Variants in PHACTR2 observed in about 807,000 individuals in gnomAD.
The protein encoded by PHACTR2 is phosphatase and actin regulator 2.
In PHACTR2, 30 loss-of-function variants were observed where a neutral mutation model predicts 76.0. The observed-to-expected ratio is 0.39, with a 90% CI of 0.30 to 0.54. The LOEUF is 0.54. Ranked by LOEUF, PHACTR2 falls within the 20% of genes least tolerant of loss-of-function variation. PHACTR2 has a pLI of 0.61. For missense variants in PHACTR2, 696 were observed against 781.1 expected (o/e 0.89, Z 1.30); for synonymous variants, 292 against 292.5 (o/e 1.00, Z 0.02).
rs1402246826 is a variant in PHACTR2, at chr6:143,578,523, GC to G, written c.217+41318del. ...CCGAAATGCAGCCCATACCCTGCTTGCCAAGCTGGGTACAAAATCACTCCTG... is the reference window on the plus strand; with the variant it reads ...CCGAAATGCAGCCCATACCCTGCTTGCAAGCTGGGTACAAAATCACTCCTG... On this transcript the variant is annotated intron_variant, in intron 1 of 11. Transcript: ENST00000367584. The surrounding 1 kb of genome is among the most constrained non-coding windows in gnomAD (Gnocchi z 4.5). Among the ~76,000 whole-genome samples, 1 of 152,152 alleles carries G rather than the reference GC, an allele frequency of 6.6e-6. No homozygotes were observed. Among genetic ancestry groups the G allele is most frequent in the Non-Finnish European group, 1.5e-5 (1 of 68,028 alleles).
chr6:143,666,760 G>C (rs1254870387), intron 1 of PHACTR2, among the ~76,000 whole-genome samples: 10 of 151,784 alleles, frequency 6.6e-5, no homozygotes, highest in Admixed American at 6.6e-4. Context: ...TAAGATCTTT[G>C]TAGATTCTGG....
chr6:143,771,215 T>TACAC (rs1224990884), intron 6 of PHACTR2, among the ~76,000 whole-genome samples: 4 of 101,272 alleles, frequency 3.9e-5, no homozygotes, highest in African/African-American at 1.8e-4. Context: ...TATATATATA[T>TACAC]ATATATATAT....
Position 143,617,401 on chromosome 6 carries a change from A to G in PHACTR2, c.13+9079A>G, listed in dbSNP as rs1049671201. ...TAGACATCTTTTATGTCTTCCAAAG[A>G]GTTAGAGTGGTCATTCTCAACTCTA... is the stretch of plus-strand genomic sequence containing the variant. On this transcript the variant is annotated intron_variant, in intron 1 of 11. Transcript: ENST00000305766. The surrounding 1 kb of genome is among the most constrained non-coding windows in gnomAD (Gnocchi z 4.8). Among the ~76,000 whole-genome samples the G allele has an allele frequency of 4.6e-5, 7 of 152,186 alleles. No homozygotes were observed. Among genetic ancestry groups the G allele is most frequent in the Non-Finnish European group, 8.8e-5 (6 of 68,028 alleles).
At chr6:143,690,932 A>G (rs1777630297) in intron 1 of PHACTR2, among the ~76,000 whole-genome samples, 1 of 152,172 alleles carries the variant, frequency 6.6e-6, no homozygotes, top group Non-Finnish European at 1.5e-5. Flanking sequence ...CGTCATCTTT[A>G]TGGGATGCTC....
chr6:143,613,081 A>G (rs1057067174), intron 1 of PHACTR2, among the ~76,000 whole-genome samples: 2 of 152,176 alleles, frequency 1.3e-5, no homozygotes, highest in African/African-American at 4.8e-5. Context: ...GGTTCACGCC[A>G]TTCCCTGGCC....
rs1004208185 is a variant in PHACTR2, at chr6:143,751,338, C to A, written c.295+2273C>A. Among the ~76,000 whole-genome samples, 2 of 152,098 alleles carry A rather than the reference C, an allele frequency of 1.3e-5. No individual in the cohort carries two copies. Among genetic ancestry groups the A allele is most frequent in the Admixed American group, 1.3e-4 (2 of 15,262 alleles). On this transcript the variant is annotated intron_variant, in intron 3 of 12. Transcript: ENST00000440869. The surrounding 1 kb of genome is among the most constrained non-coding windows in gnomAD (Gnocchi z 5.7). Reference sequence around the variant, plus strand: ...CCTTCAACCTAAAAGTTCAGTGATTCGTCTTCTCTCCTGGGAAGTCTATGA... The same window carrying A: ...CCTTCAACCTAAAAGTTCAGTGATTAGTCTTCTCTCCTGGGAAGTCTATGA...
intron 1 of PHACTR2, among the ~76,000 whole-genome samples, chr6:143,665,697 A>G (rs1018955543): frequency 1.3e-5 from 2 of 152,166 alleles, no homozygotes; most frequent in Admixed American, 1.3e-4. Context: ...TATCATTTCT[A>G]GTCTGGATTA....
At position 143,753,819 on chromosome 6, in the gene PHACTR2, A is replaced by T. The variant is rs1779240050; in HGVS notation, c.361A>T (p.Thr121Ser). 6.2e-7 allele frequency: 1 copy of T among 1,611,764 alleles called. No homozygotes were observed. Among genetic ancestry groups the T allele is most frequent in the African/African-American group, 1.3e-5 (1 of 74,872 alleles). The change falls in exon 4 of 13, where the codon ACC becomes TCC. Residue 121 changes from threonine to serine, a missense_variant. Thr to Ser is a moderately conservative substitution (Grantham distance 58, BLOSUM62 1). Coordinates refer to ENST00000440869, the MANE Select transcript of PHACTR2 (RefSeq NM_001100164.2). The surrounding 1 kb of genome is among the most constrained non-coding windows in gnomAD (Gnocchi z 4.6). ...GHMIPIGEES[T>S]REENVVKSEE... ...CATGATACCCATCGGAGAGGAATCT[A>T]CCCGAGAGGAAAATGTAGTAAAGTC...
At chr6:143,796,517 C>G (rs1775827212) in intron 11 of PHACTR2, among the ~76,000 whole-genome samples, 1 of 151,928 alleles carries the variant, frequency 6.6e-6, no homozygotes, top group South Asian at 2.1e-4. Flanking sequence ...ACCCATCAAC[C>G]CATCACCTAC....
At position 143,710,917 on chromosome 6, in the gene PHACTR2, C is replaced by A; in HGVS notation, c.47-1099C>A. The A allele has an allele frequency of 2.4e-6, 1 of 417,998 alleles. No homozygotes were observed. The highest frequency in any genetic ancestry group is 4.6e-6 in the Non-Finnish European group (1 of 218,212). 25.9% of individuals were successfully genotyped at this position (417,998 alleles called of 1,614,324 possible). A position where few individuals can be genotyped will look rare whatever the true frequency, so the allele number is the denominator to read the frequency against. On this transcript the variant is annotated intron_variant, in intron 1 of 12. Transcript: ENST00000440869. This position sits in a 1 kb window ranked among gnomAD's most constrained non-coding sequence, Gnocchi z 4.9. ...TTTACTTTATTGCACTTTTATCCAT[C>A]TGCCTTTTCCATCTATCTATCCAGT...
Position 143,722,788 on chromosome 6 carries a change from G to A in PHACTR2, c.214+10605G>A, listed in dbSNP as rs34621479. On this transcript the variant is annotated intron_variant, in intron 2 of 12. Coordinates refer to ENST00000440869, the MANE Select transcript of PHACTR2 (RefSeq NM_001100164.2). The surrounding 1 kb of genome is among the most constrained non-coding windows in gnomAD (Gnocchi z 4.1). Reference sequence around the variant, plus strand: ...CCCTTCCCAGCTTCTGGTAACTGTCGTTCTACTCTATCTCCATGAGTTCAG... The same window carrying A: ...CCCTTCCCAGCTTCTGGTAACTGTCATTCTACTCTATCTCCATGAGTTCAG... 0.14 allele frequency among the ~76,000 whole-genome samples: 21,934 copies of A among 151,864 alleles called. 1,719 individuals are homozygous for A. The highest frequency in any genetic ancestry group is 0.2 in the African/African-American group (8,448 of 41,348).
rs529555559 is a variant in PHACTR2, at chr6:143,543,409, C to T, written c.217+6202C>T. Reference sequence around the variant, plus strand: ...TGCAAAGACATCCCTCAGGAACTCACAGTTTAGTGGGGAAAGACAGGCCAA... The same window carrying T: ...TGCAAAGACATCCCTCAGGAACTCATAGTTTAGTGGGGAAAGACAGGCCAA... On this transcript the variant is annotated intron_variant, in intron 1 of 11. Transcript: ENST00000367584. The surrounding 1 kb of genome is among the most constrained non-coding windows in gnomAD (Gnocchi z 4.7). 4.6e-4 allele frequency among the ~76,000 whole-genome samples: 70 copies of T among 152,300 alleles called. 1 individual carries two copies. The South Asian group carries it at 1.0e-2, about 22-fold the overall frequency.
chr6:143,743,653 G>A lies in PHACTR2; in HGVS notation c.215-5332G>A, dbSNP rs1778993261. 6.6e-6 allele frequency among the ~76,000 whole-genome samples: 1 copy of A among 152,182 alleles called. No individual in the cohort carries two copies. Among genetic ancestry groups the A allele is most frequent in the Non-Finnish European group, 1.5e-5 (1 of 68,028 alleles). ...GTTTTCTGCAACTGCTATTGAAGAGGGGCAAAGCCGAGCCAGGCTCTTGTA... is the reference window on the plus strand; with the variant it reads ...GTTTTCTGCAACTGCTATTGAAGAGAGGCAAAGCCGAGCCAGGCTCTTGTA... On this transcript the variant is annotated intron_variant, in intron 2 of 12. Coordinates refer to ENST00000440869, the MANE Select transcript of PHACTR2 (RefSeq NM_001100164.2). This position sits in a 1 kb window ranked among gnomAD's most constrained non-coding sequence, Gnocchi z 5.0.
chr6:143,678,231 T>C lies in PHACTR2; in HGVS notation c.46+22T>C. On this transcript the variant is annotated intron_variant, in intron 1 of 12. Coordinates refer to ENST00000440869, the MANE Select transcript of PHACTR2 (RefSeq NM_001100164.2). This position sits in a 1 kb window ranked among gnomAD's most constrained non-coding sequence, Gnocchi z 6.2. ...AGCGGTGAGTCCGGGGCGCACGCGA[T>C]GCGCTCCCGCCGCGCGGGCGCAGGG... 1 of 1,477,226 alleles carries C rather than the reference T, an allele frequency of 6.8e-7. No individual in the cohort carries two copies. The highest frequency in any genetic ancestry group is 9.0e-7 in the Non-Finnish European group (1 of 1,115,296). 91.5% of individuals were successfully genotyped at this position (1,477,226 alleles called of 1,614,324 possible).
Position 143,806,997 on chromosome 6 carries a change from T to A in PHACTR2, c.1846-60T>A. On this transcript the variant is annotated intron_variant, in intron 11 of 12. Coordinates refer to ENST00000440869, the MANE Select transcript of PHACTR2 (RefSeq NM_001100164.2). The surrounding 1 kb of genome is among the most constrained non-coding windows in gnomAD (Gnocchi z 5.8). The stretch of plus-strand genomic sequence containing the variant: ...AGGTCTGCTTCATTGATGCTGTATA[T>A]ACTGGGGCAATATATGACCTAAATA... 1.1e-6 allele frequency: 1 copy of A among 882,936 alleles called. No individual in the cohort carries two copies. The highest frequency in any genetic ancestry group is 1.8e-6 in the Non-Finnish European group (1 of 541,966). The allele number at this position is 882,936 out of a possible 1,614,324, so 54.7% of individuals were successfully genotyped here. A position where few individuals can be genotyped will look rare whatever the true frequency, so the allele number is the denominator to read the frequency against.
chr6:143,756,685 C>T (rs1167209908), intron 4 of PHACTR2, among the ~76,000 whole-genome samples: 6 of 124,458 alleles, frequency 4.8e-5, no homozygotes, highest in Non-Finnish European at 8.2e-5. Context: ...GGCGACAGAG[C>T]GAGACTCCGT....
chr6:143,702,402 C>G (rs1170768358), intron 1 of PHACTR2, among the ~76,000 whole-genome samples: 1 of 152,142 alleles, frequency 6.6e-6, no homozygotes, highest in East Asian at 1.9e-4. Context: ...CCACGGCACC[C>G]AGCCTGCTTT....
Position 143,654,303 on chromosome 6 carries a change from CAT to C in PHACTR2, c.13+45983_13+45984del. On this transcript the variant is annotated intron_variant, in intron 1 of 11. Coordinates refer to the PHACTR2 transcript ENST00000305766. This position sits in a 1 kb window ranked among gnomAD's most constrained non-coding sequence, Gnocchi z 4.6. ...TCTGGCAGTTCCTCAAACAATCAAT[CAT>C]AGAGTTACCATATGAACAGCAATTC... is the stretch of plus-strand genomic sequence containing the variant. Among the ~76,000 whole-genome samples the C allele has an allele frequency of 6.6e-6, 1 of 152,238 alleles. No individual in the cohort carries two copies. Among genetic ancestry groups the C allele is most frequent in the East Asian group, 1.9e-4 (1 of 5,178 alleles).
intron 1 of PHACTR2, among the ~76,000 whole-genome samples, chr6:143,565,248 T>G (rs1370301026): frequency 6.6e-6 from 1 of 152,098 alleles, no homozygotes; most frequent in African/African-American, 2.4e-5. Flanking sequence ...GGGATACACA[T>G]CATACAAAAA....
Sources: allele counts gnomAD v4.1 joint callset (sites outside exome capture counted in the v4.1 genomes callset), GRCh38; gene constraint gnomAD v4.1.1; non-coding constraint Gnocchi (gnomAD v3.1); transcripts MANE v1.5; gene names NCBI Gene and HGNC (gene_info 2026-07-23, HGNC 2026-07-21).